The following NEURL1 variants were observed in gnomAD, a reference collection of about 807,000 sequenced individuals.
NEURL1 encodes the protein E3 ubiquitin-protein ligase NEURL1.
A neutral mutation model predicts 41.2 loss-of-function variants in NEURL1; 26 were observed. The observed-to-expected ratio is 0.63, with a 90% CI of 0.46 to 0.87. The LOEUF (loss-of-function observed/expected upper bound fraction) is 0.87, where lower values mean the gene tolerates loss of function less well. NEURL1 is among the 40% of genes least tolerant of loss of function. The probability of loss-of-function intolerance (pLI) is 0.00; values close to 1 mark genes in which losing one functional copy is unlikely to be tolerated. For synonymous variants in NEURL1, 400 were observed against 402.3 expected (o/e 0.99, Z 0.07); for missense variants, 761 against 871.1 (o/e 0.87, Z 1.59).
In NEURL1 at chr10:103,496,475, C is replaced by G. The variant is rs1032029801; in HGVS notation, c.85+2003C>G. Reference sequence around the variant, plus strand: ...CAAGCAAAAATGCTTGTAAAGTTTCCAAAGGGTTAACAATTATTTCCTCTG... The same window carrying G: ...CAAGCAAAAATGCTTGTAAAGTTTCGAAAGGGTTAACAATTATTTCCTCTG... On this transcript the variant is annotated intron_variant, in intron 1 of 5. Transcript: ENST00000369780. 2.2e-4 allele frequency among the ~76,000 whole-genome samples: 34 copies of G among 152,288 alleles called. 1 individual carries two copies. The highest frequency in any genetic ancestry group is 2.1e-3 in the Admixed American group (32 of 15,292).
chr10:103,574,185 C>G (rs2035609088), intron 3 of NEURL1, among the ~76,000 whole-genome samples: 1 of 152,198 alleles, frequency 6.6e-6, no homozygotes, highest in African/African-American at 2.4e-5. Context: ...CAACCCAGCC[C>G]TGCCCACAGA....
chr10:103,579,722 A>C (rs540688232), intron 3 of NEURL1, among the ~76,000 whole-genome samples: 9 of 152,148 alleles, frequency 5.9e-5, no homozygotes, highest in Non-Finnish European at 1.3e-4. Context: ...CCAGCAGATC[A>C]CTTGAGCTGA....
chr10:103,563,131 T>C (rs2035340792), intron 1 of NEURL1, among the ~76,000 whole-genome samples: 1 of 152,200 alleles, frequency 6.6e-6, no homozygotes, highest in Non-Finnish European at 1.5e-5. Flanking sequence ...AAGACTGAAG[T>C]TCCTAGTCTC....
At chr10:103,533,746 C>T (rs980273531) in intron 1 of NEURL1, among the ~76,000 whole-genome samples, 4 of 152,174 alleles carry the variant, frequency 2.6e-5, no homozygotes, top group African/African-American at 4.8e-5. Context: ...CCGTGTTAGC[C>T]AGGATGGTCT....
chr10:103,511,743 C>T (rs1348143308), intron 1 of NEURL1: 2 of 152,400 alleles, frequency 1.3e-5, no homozygotes, highest in Non-Finnish European at 2.9e-5. Context: ...CTGGGCTTCA[C>T]CATCCTCGCA....
In NEURL1 at chr10:103,584,547, G is replaced by C. The variant is rs751206037; in HGVS notation, c.661G>C (p.Val221Leu). The change falls in exon 4 of 6, where the codon GTG becomes CTG. Residue 221 changes from valine (V) to leucine (L), a missense_variant. Around this residue, in one of 5 missense-constraint regions of NEURL1, gnomAD observed 114 missense variants for 144.8 expected, o/e 0.79. Coordinates refer to ENST00000369780, the MANE Select transcript of NEURL1 (RefSeq NM_004210.5). ...TGTCTCCCGCGCAGATAGCGAGCTGGTGCTCCCGGACTGTCTGCGGCCGCG... is the reference window on the plus strand; with the variant it reads ...TGTCTCCCGCGCAGATAGCGAGCTGCTGCTCCCGGACTGTCTGCGGCCGCG... ...RGVQLLDSEL[V>L]LPDCLRPRSF... 5 of 1,381,730 alleles carry C rather than the reference G, an allele frequency of 3.6e-6. No individual in the cohort carries two copies. In the South Asian group the frequency reaches 5.0e-5, roughly 14 times the overall value. The allele number at this position is 1,381,730 out of a possible 1,614,324, so 85.6% of individuals were successfully genotyped here. A position where few individuals can be genotyped will look rare whatever the true frequency, so the allele number is the denominator to read the frequency against.
chr10:103,536,835 A>C (rs1017659324), intron 1 of NEURL1, among the ~76,000 whole-genome samples: 2 of 152,198 alleles, frequency 1.3e-5, no homozygotes, highest in African/African-American at 4.8e-5. Flanking sequence ...TATTAAGTAC[A>C]TGTGTTATTT....
At chr10:103,562,026 A>G (rs568820778) in intron 1 of NEURL1, among the ~76,000 whole-genome samples, 1 of 152,358 alleles carries the variant, frequency 6.6e-6, no homozygotes, top group East Asian at 1.9e-4. Context: ...CTAGCAATTC[A>G]TTCAGTAACT....
rs763380494 is a variant in NEURL1 at position 103,571,575 on chromosome 10, C to T, written c.402C>T (p.His134=). ...GFTSKDPSRI[H]PDSLPKYACP... Reference sequence around the variant, plus strand: ...CCAGCAAGGACCCGTCCCGCATCCACCCTGACTCGCTGCCCAAGTACGCCT... The same window carrying T: ...CCAGCAAGGACCCGTCCCGCATCCATCCTGACTCGCTGCCCAAGTACGCCT... Residue 134 remains histidine, a synonymous_variant, in exon 3 of 6, where the codon CAC becomes CAT. Coordinates refer to ENST00000369780, the MANE Select transcript of NEURL1 (RefSeq NM_004210.5). The T allele has an allele frequency of 3.0e-5, 49 of 1,613,564 alleles. 1 individual carries two copies. The South Asian group carries it at 5.3e-4, about 17-fold the overall frequency.
At chr10:103,585,690 G>C (rs1265049330) in intron 4 of NEURL1, among the ~76,000 whole-genome samples, 1 of 151,880 alleles carries the variant, frequency 6.6e-6, no homozygotes, top group Non-Finnish European at 1.5e-5. Context: ...AACAATTAGC[G>C]GGGCATGGTG....
chr10:103,554,443 G>C (rs1393533965), intron 1 of NEURL1, among the ~76,000 whole-genome samples: 1 of 152,148 alleles, frequency 6.6e-6, no homozygotes, highest in Non-Finnish European at 1.5e-5. Flanking sequence ...CAGAAGAATA[G>C]TGCAGGTCTG....
At chr10:103,515,227 C>CAAAAAAA (rs57898870) in intron 1 of NEURL1, 3 of 98,958 alleles carry the variant, frequency 3.0e-5, no homozygotes, top group Non-Finnish European at 5.8e-5. Flanking sequence ...GACTCTGTCT[C>CAAAAAAA]AAAAAAAAAA....
At chr10:103,525,690 A>G (rs757665197) in intron 1 of NEURL1, among the ~76,000 whole-genome samples, 1 of 152,118 alleles carries the variant, frequency 6.6e-6, no homozygotes, top group Non-Finnish European at 1.5e-5. Context: ...TTTATATGCA[A>G]ATAGGGACAA....
At chr10:103,539,928 T>C (rs1396288620) in intron 1 of NEURL1, among the ~76,000 whole-genome samples, 10 of 152,242 alleles carry the variant, frequency 6.6e-5, no homozygotes, top group Admixed American at 5.9e-4. Flanking sequence ...GCAAGCTGGC[T>C]GGAGCTTCAG....
chr10:103,555,908 A>G (rs1019622084), intron 1 of NEURL1, among the ~76,000 whole-genome samples: 25 of 152,224 alleles, frequency 1.6e-4, no homozygotes, highest in Non-Finnish European at 3.1e-4. Flanking sequence ...CCGCAAAGAC[A>G]TGTGGGCACC....
chr10:103,561,841 A>G (rs2035299977), intron 1 of NEURL1, among the ~76,000 whole-genome samples: 1 of 152,164 alleles, frequency 6.6e-6, no homozygotes, highest in Admixed American at 6.5e-5. Flanking sequence ...GTGAGGAGCT[A>G]TTGAAGGTTC....
chr10:103,554,640 G>T (rs1157211297), intron 1 of NEURL1, among the ~76,000 whole-genome samples: 2 of 152,134 alleles, frequency 1.3e-5, no homozygotes, highest in African/African-American at 4.8e-5. Context: ...CTTAGAGATG[G>T]TACCTGTTGA....
chr10:103,537,447 T>C (rs1287367360), intron 1 of NEURL1, among the ~76,000 whole-genome samples: 1 of 152,210 alleles, frequency 6.6e-6, no homozygotes, highest in Non-Finnish European at 1.5e-5. Flanking sequence ...TCACCCAGGC[T>C]GGAGTGCAGT....
intron 1 of NEURL1, among the ~76,000 whole-genome samples, chr10:103,510,904 C>T (rs1452864434): frequency 1.3e-5 from 2 of 152,166 alleles, no homozygotes; most frequent in African/African-American, 2.4e-5. Flanking sequence ...CTCAGGCAGG[C>T]GGTCTTGGCC....
Sources: gnomAD v4.1 joint callset for allele counts (sites outside exome capture counted in the v4.1 genomes callset) on GRCh38, gnomAD v4.1.1 for gene constraint, gnomAD v4.1.1 regional missense constraint, MANE v1.5 for transcripts, NCBI Gene and HGNC (gene_info 2026-07-23, HGNC 2026-07-21) for gene names.